Variants in GLIS1 observed in about 807,000 individuals in gnomAD.
GLIS1 encodes the protein GLIS family zinc finger 1.
Under a neutral mutation model 63.8 loss-of-function variants are expected in GLIS1, and 24 were observed. The observed-to-expected ratio is 0.38, with a 90% CI of 0.27 to 0.53. GLIS1 has a LOEUF of 0.53. Among genes scored for constraint, GLIS1 ranks in the 20% least tolerant of loss-of-function variants. The probability of loss-of-function intolerance (pLI) is 0.85; values close to 1 mark genes in which losing one functional copy is unlikely to be tolerated. For missense variants in GLIS1, 1,036 were observed against 1,074.1 expected, an observed-to-expected ratio of 0.96 and a Z score of 0.50; for synonymous variants, 450 against 482.5, an observed-to-expected ratio of 0.93 and a Z score of 0.88.
intron 2 of GLIS1, among the ~76,000 whole-genome samples, chr1:53,605,273 G>C (rs1645358649): frequency 6.6e-6 from 1 of 152,068 alleles, no homozygotes; most frequent in African/African-American, 2.4e-5. Context: ...TGTCCACCTG[G>C]TGTGACCTCA....
At chr1:53,679,393 T>G (rs887225183) in intron 2 of GLIS1, among the ~76,000 whole-genome samples, 2 of 152,164 alleles carry the variant, frequency 1.3e-5, no homozygotes, top group Admixed American at 1.3e-4. Flanking sequence ...GGGTTTCAGA[T>G]GAAAGTAGGA....
chr1:53,515,079 A>ATGTGTGTGTGTGTGTGTGTGTGTG (rs5774151), intron 7 of GLIS1, among the ~76,000 whole-genome samples: 1 of 141,994 alleles, frequency 7.0e-6, no homozygotes, highest in African/African-American at 2.7e-5. Flanking sequence ...GTGTGTGTAT[A>ATGTGTGTGTGTGTGTGTGTGTGTG]TGTGTGTGTG....
At chr1:53,715,821 G>A (rs770461697) in intron 2 of GLIS1, among the ~76,000 whole-genome samples, 5 of 152,156 alleles carry the variant, frequency 3.3e-5, no homozygotes, top group Non-Finnish European at 4.4e-5. Flanking sequence ...AAGAGCAGTC[G>A]GTGGACTGAG....
intron 2 of GLIS1, among the ~76,000 whole-genome samples, chr1:53,609,461 G>C (rs1328937604): frequency 6.6e-6 from 1 of 151,514 alleles, no homozygotes; most frequent in East Asian, 1.9e-4. Flanking sequence ...AGTAGAGATG[G>C]GGTTTTACCA....
rs564702811 is a variant in GLIS1, at chr1:53,694,415, T to C, written c.259+43391A>G. 7.8e-4 allele frequency among the ~76,000 whole-genome samples: 119 copies of C among 152,342 alleles called. 1 individual carries two copies. The highest frequency in any genetic ancestry group is 2.7e-3 in the African/African-American group (113 of 41,584). On this transcript the variant is annotated intron_variant, in intron 2 of 10. Transcript: ENST00000628545. ...TCCCTTTCTGCGAGCCGGCTGGCCC[T>C]GCCAGGGACCCTTTCTGCCTTCTCT...
At chr1:53,636,419 A>C (rs1320613941) in intron 2 of GLIS1, among the ~76,000 whole-genome samples, 2 of 152,236 alleles carry the variant, frequency 1.3e-5, no homozygotes, top group African/African-American at 2.4e-5. Context: ...TTAAAATAAA[A>C]ACATTAACCA....
rs549420198 is a variant in GLIS1, at chr1:53,524,624, TGGAC to T, written c.1593+149_1593+152del. Among the ~76,000 whole-genome samples, 1,386 of 151,944 alleles carry T rather than the reference TGGAC, an allele frequency of 9.1e-3. 22 individuals carry two copies. Among genetic ancestry groups the T allele is most frequent in the African/African-American group, 0.032 (1,320 of 41,384 alleles). The stretch of plus-strand genomic sequence containing the variant: ...AGAGACACTAAGGGCAGGTGGGAAG[TGGAC>T]GGACGGACGAACGGACGAACGGATG... On this transcript the variant is annotated intron_variant, in intron 6 of 10. Coordinates refer to ENST00000628545, the MANE Select transcript of GLIS1 (RefSeq NM_001367484.1).
At chr1:53,732,510 G>T (rs1646873028) in intron 2 of GLIS1, among the ~76,000 whole-genome samples, 1 of 151,240 alleles carries the variant, frequency 6.6e-6, no homozygotes. Context: ...TTTGGGCAGT[G>T]GCTGCTGATA....
chr1:53,508,983 A>G (rs1017804693), intron 10 of GLIS1, 137 bp downstream of exon 10: 1 of 851,550 alleles, frequency 1.2e-6, no homozygotes, highest in Non-Finnish European at 1.7e-6. Context: ...CTGAGCCTCT[A>G]CTTCCCCCTC....
In GLIS1 at chr1:53,720,127, G is replaced by A. The variant is rs142474242; in HGVS notation, c.259+17679C>T. Among the ~76,000 whole-genome samples, 21 of 152,330 alleles carry A rather than the reference G, an allele frequency of 1.4e-4. No individual in the cohort carries two copies. The East Asian group carries it at 4.0e-3, about 29-fold the overall frequency. ...GGAACCAGAGGTTGCAATGAGCCAA[G>A]ATCGTGCCACTGCACTCCAGCCTGG... is the stretch of plus-strand genomic sequence containing the variant. On this transcript the variant is annotated intron_variant, in intron 2 of 10. Coordinates refer to ENST00000628545, the MANE Select transcript of GLIS1 (RefSeq NM_001367484.1).
At chr1:53,669,744 T>C (rs551057283) in intron 2 of GLIS1, among the ~76,000 whole-genome samples, 2 of 152,306 alleles carry the variant, frequency 1.3e-5, no homozygotes, top group South Asian at 4.1e-4. Flanking sequence ...CTATCCCACA[T>C]AGACTGGGAC....
At position 53,520,624 on chromosome 1, in the gene GLIS1, G is replaced by T. The variant is rs755262962; in HGVS notation, c.1726+10C>A. ...GCTACGCCCCTGGCCCTGCCTCCCC[G>T]CACACGTACCTGGGAGCAGCTCCTG... is the stretch of plus-strand genomic sequence containing the variant. On this transcript the variant is annotated intron_variant, in intron 7 of 10. Coordinates refer to ENST00000628545, the MANE Select transcript of GLIS1 (RefSeq NM_001367484.1). The T allele has an allele frequency of 3.7e-6, 6 of 1,601,032 alleles. No homozygotes were observed. The East Asian group carries it at 9.0e-5, about 24-fold the overall frequency.
At chr1:53,657,165 T>A (rs1412659410) in intron 2 of GLIS1, among the ~76,000 whole-genome samples, 1 of 152,184 alleles carries the variant, frequency 6.6e-6, no homozygotes, top group Non-Finnish European at 1.5e-5. Flanking sequence ...TAAACAGGTG[T>A]GCTTAAACTC....
chr1:53,608,784 G>T (rs1210318862), intron 2 of GLIS1, among the ~76,000 whole-genome samples: 1 of 152,192 alleles, frequency 6.6e-6, no homozygotes, highest in Non-Finnish European at 1.5e-5. Flanking sequence ...GAACCAATCA[G>T]CATGTTCCCA....
rs574603322 is a variant in GLIS1, at chr1:53,571,564, A to G, written c.1320+22544T>C. Among the ~76,000 whole-genome samples the G allele has an allele frequency of 4.6e-5, 7 of 151,806 alleles. No homozygotes were observed. In the South Asian group the frequency reaches 1.5e-3, roughly 32 times the overall value. Reference sequence around the variant, plus strand: ...GAAAATGAATGAATTATAGCTGCACACAATAATATGGATAAAAATTTTTTT... The same window carrying G: ...GAAAATGAATGAATTATAGCTGCACGCAATAATATGGATAAAAATTTTTTT... On this transcript the variant is annotated intron_variant, in intron 4 of 10. Coordinates refer to ENST00000628545, the MANE Select transcript of GLIS1 (RefSeq NM_001367484.1).
At chr1:53,571,743 A>C (rs943536942) in intron 4 of GLIS1, among the ~76,000 whole-genome samples, 2 of 151,846 alleles carry the variant, frequency 1.3e-5, no homozygotes, top group South Asian at 2.1e-4. Context: ...TGCCCGGCTA[A>C]TTTTTTTTGT....
At position 53,543,197 on chromosome 1, in the gene GLIS1, C is replaced by G. The variant is rs535363738; in HGVS notation, c.1321-13245G>C. On this transcript the variant is annotated intron_variant, in intron 4 of 10. Coordinates refer to ENST00000628545, the MANE Select transcript of GLIS1 (RefSeq NM_001367484.1). ...CAGTTTGTGGACTTCAGGTTTGGAC[C>G]TGACATAAGTGAAACAGAGAGCACT... 3.9e-5 allele frequency among the ~76,000 whole-genome samples: 6 copies of G among 151,916 alleles called. No homozygotes were observed. In the East Asian group the frequency reaches 9.6e-4, roughly 24 times the overall value.
At chr1:53,634,640 G>A (rs1392926851) in intron 2 of GLIS1, among the ~76,000 whole-genome samples, 4 of 152,150 alleles carry the variant, frequency 2.6e-5, no homozygotes, top group Non-Finnish European at 5.9e-5. Flanking sequence ...ACAACAATGG[G>A]CTCTGGACTC....
At chr1:53,638,398 T>TCCCCCAGGCCAGTTCAGGCCC (rs1645749780) in intron 2 of GLIS1, among the ~76,000 whole-genome samples, 2 of 151,860 alleles carry the variant, frequency 1.3e-5, no homozygotes, top group African/African-American at 4.8e-5. Flanking sequence ...GGGGCAGGCC[T>TCCCCCAGGCCAGTTCAGGCCC]CCCCCAGGCC....
Sources: gnomAD v4.1 joint callset for allele counts (sites outside exome capture counted in the v4.1 genomes callset) on GRCh38, gnomAD v4.1.1 for gene constraint, MANE v1.5 for transcripts, NCBI Gene and HGNC (gene_info 2026-07-23, HGNC 2026-07-21) for gene names.